Variants in AMDHD2 observed in about 807,000 individuals in gnomAD.
AMDHD2 encodes the protein amidohydrolase domain containing 2, also known as N-acetylglucosamine-6-phosphate deacetylase.
Under a neutral mutation model 41.8 loss-of-function variants are expected in AMDHD2, and 24 were observed. The ratio of observed to expected loss-of-function variants is 0.57; its 90% confidence interval spans 0.42 to 0.81. AMDHD2 has a LOEUF of 0.81. Ranked by LOEUF, AMDHD2 falls within the 30% of genes least tolerant of loss-of-function variation. AMDHD2 has a pLI of 0.00. For missense variants in AMDHD2, 540 were observed against 588.5 expected (o/e 0.92, Z 0.85); for synonymous variants, 332 against 255.5 (o/e 1.30, Z -2.85).
intron 3 of AMDHD2, among the ~76,000 whole-genome samples, chr16:2,522,817 C>T (rs991661714): frequency 2.0e-5 from 3 of 151,568 alleles, no homozygotes; most frequent in South Asian, 2.1e-4. Context: ...CCTGGCCCAT[C>T]ATGCCTGTTT....
Position 2,520,423 on chromosome 16 carries a change from G to A in AMDHD2, c.-36G>A. 8.2e-7 allele frequency: 1 copy of A among 1,224,338 alleles called. No individual in the cohort carries two copies. The highest frequency in any genetic ancestry group is 1.0e-6 in the Non-Finnish European group (1 of 979,148). The allele number at this position is 1,224,338 out of a possible 1,614,324, so 75.8% of individuals were successfully genotyped here. A position where few individuals can be genotyped will look rare whatever the true frequency, so the allele number is the denominator to read the frequency against. On this transcript the variant is annotated 5_prime_UTR_variant, in exon 1 of 11. Transcript: ENST00000293971. The stretch of plus-strand genomic sequence containing the variant: ...CTGGGCGCGGGATTTGGCCGCCGCG[G>A]GGCTCCGGAGCCGCTCGCTCCCGAC...
In AMDHD2 at chr16:2,526,286, G is replaced by A. The variant is rs569672044; in HGVS notation, c.361-1275G>A. Among the ~76,000 whole-genome samples the A allele has an allele frequency of 6.6e-5, 10 of 152,268 alleles. No individual in the cohort carries two copies. The South Asian group carries it at 1.9e-3, about 28-fold the overall frequency. On this transcript the variant is annotated intron_variant, in intron 3 of 10. Transcript: ENST00000293971. ...CTGGCTCCTTTCTCTTGGGCTGGCT[G>A]GGTTCCCTGAGAAGAGTCTAGCAGT...
intron 3 of AMDHD2, among the ~76,000 whole-genome samples, chr16:2,526,280 C>G (rs2066002857): frequency 2.0e-5 from 3 of 152,168 alleles, no homozygotes. Context: ...TTCTCTTGGG[C>G]TGGCTGGGTT....
Position 2,531,177 on chromosome 16 carries a change from C to T in AMDHD2, c.*1614C>T, listed in dbSNP as rs2066091267. 2 of 1,425,506 alleles carry T rather than the reference C, an allele frequency of 1.4e-6. No individual in the cohort carries two copies. Among genetic ancestry groups the T allele is most frequent in the Middle Eastern group, 2.6e-4 (1 of 3,830 alleles). The allele number at this position is 1,425,506 out of a possible 1,614,324, so 88.3% of individuals were successfully genotyped here. Reference sequence around the variant, plus strand: ...GGGCCAGCCTTTGGGCCTGGCCTGCCCCATTCACCGGCCAGCGCCCCACCT... The same window carrying T: ...GGGCCAGCCTTTGGGCCTGGCCTGCTCCATTCACCGGCCAGCGCCCCACCT... On this transcript the variant is annotated 3_prime_UTR_variant, in exon 11 of 11. Transcript: ENST00000293971.
At chr16:2,525,504 C>T (rs1432612608) in intron 3 of AMDHD2, among the ~76,000 whole-genome samples, 1 of 151,902 alleles carries the variant, frequency 6.6e-6, no homozygotes, top group African/African-American at 2.4e-5. Context: ...GTAGCTGGGA[C>T]TACAGGCGTG....
At chr16:2,521,789 T>G (rs1417694082) in intron 3 of AMDHD2, among the ~76,000 whole-genome samples, 2 of 143,300 alleles carry the variant, frequency 1.4e-5, no homozygotes, top group Non-Finnish European at 3.1e-5. Flanking sequence ...TAGTTTTTTT[T>G]TTTTTTTTTT....
rs137965070 is a variant in AMDHD2 at position 2,528,659 on chromosome 16, C to T, written c.980C>T (p.Thr327Met). Residue 327 changes from threonine to methionine, a missense_variant, in exon 9 of 11, where the codon ACG (threonine) becomes ATG (methionine). By Grantham distance (81) the Thr-to-Met change is moderately conservative (BLOSUM62 -1). Transcript: ENST00000293971. ...CCTCTCTGCTCTCAAGGCACCAAGA[C>T]GCTGAGTGGCAGCATAGCCCCAATG... is the stretch of plus-strand genomic sequence containing the variant. Reference protein sequence around the residue: ...GLTAYVAGTKTLSGSIAPMDV... With the variant: ...GLTAYVAGTKMLSGSIAPMDV... 18 of 1,612,914 alleles carry T rather than the reference C, an allele frequency of 1.1e-5. No homozygotes were observed. Among genetic ancestry groups the T allele is most frequent in the African/African-American group, 8.0e-5 (6 of 74,946 alleles).
intron 8 of AMDHD2, 33 bp from the exon 9 acceptor site, chr16:2,528,617 A>T: frequency 3.1e-6 from 5 of 1,612,484 alleles, no homozygotes; most frequent in Non-Finnish European, 4.2e-6. Flanking sequence ...GTGGCCCACG[A>T]CCCCCCCAGA....
In AMDHD2 at chr16:2,529,671, G is replaced by A; in HGVS notation, c.*108G>A. 2 of 1,549,896 alleles carry A rather than the reference G, an allele frequency of 1.3e-6. No homozygotes were observed. Among genetic ancestry groups the A allele is most frequent in the African/African-American group, 2.7e-5 (2 of 73,736 alleles). ...GAGTCGGGAGCCCTGCTGGATTGAT[G>A]CCCAGGGCCTGTGCGGCCGCCCTGG... On this transcript the variant is annotated 3_prime_UTR_variant, in exon 11 of 11. Coordinates refer to ENST00000293971, the MANE Select transcript of AMDHD2 (RefSeq NM_001330449.2).
In AMDHD2 at chr16:2,527,743, C is replaced by G. The variant is rs1454851292; in HGVS notation, c.416-30C>G. The stretch of plus-strand genomic sequence containing the variant: ...GATAAGGGCTGGGTGGGGCAGGGAC[C>G]TGCTGGAGCCACTTGCTCCCTCCTC... On this transcript the variant is annotated intron_variant, in intron 4 of 10. Coordinates refer to ENST00000293971, the MANE Select transcript of AMDHD2 (RefSeq NM_001330449.2). The surrounding 1 kb of genome is among the most constrained non-coding windows in gnomAD (Gnocchi z 6.1). 1.3e-6 allele frequency: 2 copies of G among 1,553,920 alleles called. No homozygotes were observed. The highest frequency in any genetic ancestry group is 2.3e-5 in the East Asian group (1 of 43,878).
At position 2,530,928 on chromosome 16, in the gene AMDHD2, G is replaced by A; in HGVS notation, c.*1365G>A. The A allele has an allele frequency of 6.2e-7, 1 of 1,613,392 alleles. No individual in the cohort carries two copies. Among genetic ancestry groups the A allele is most frequent in the East Asian group, 2.2e-5 (1 of 44,888 alleles). ...GCACCCCTTAGGAAGTGGCTGTCCAGCGCCTGCCTGTGCTGGGCCTGGGAG... is the reference window on the plus strand; with the variant it reads ...GCACCCCTTAGGAAGTGGCTGTCCAACGCCTGCCTGTGCTGGGCCTGGGAG... On this transcript the variant is annotated 3_prime_UTR_variant, in exon 11 of 11. Transcript: ENST00000293971.
chr16:2,528,583 C>T, intron 8 of AMDHD2, 24 bp downstream of exon 8: 1 of 1,612,674 alleles, frequency 6.2e-7, no homozygotes, highest in Non-Finnish European at 8.5e-7. Context: ...CCCACTGGGT[C>T]CCAGGTCCCA....
In AMDHD2 at chr16:2,529,497, C is replaced by T. The variant is rs1195432592; in HGVS notation, c.1164C>T (p.Ser388=). 2.9e-5 allele frequency: 47 copies of T among 1,611,418 alleles called. No homozygotes were observed. The highest frequency in any genetic ancestry group is 3.7e-5 in the Non-Finnish European group (44 of 1,179,992). The change falls in exon 11 of 11, where the codon TCC becomes TCT. Residue 388 remains serine, a synonymous_variant. Coordinates refer to ENST00000293971, the MANE Select transcript of AMDHD2 (RefSeq NM_001330449.2). ...CAGACTTCGTGGTGCTCGACGACTCCCTTCACGTCCAGGCCACCTACATCT... is the reference window on the plus strand; with the variant it reads ...CAGACTTCGTGGTGCTCGACGACTCTCTTCACGTCCAGGCCACCTACATCT... ...ADADFVVLDD[S]LHVQATYISG...
In AMDHD2 at chr16:2,530,449, C is replaced by G; in HGVS notation, c.*886C>G. 1 of 1,614,076 alleles carries G rather than the reference C, an allele frequency of 6.2e-7. No individual in the cohort carries two copies. Among genetic ancestry groups the G allele is most frequent in the Non-Finnish European group, 8.5e-7 (1 of 1,179,992 alleles). Reference sequence around the variant, plus strand: ...CTTCGAGGCGGGTGGGCTTCTGGAGCCCTCTTGGCTCTGAGGACAGCCACA... The same window carrying G: ...CTTCGAGGCGGGTGGGCTTCTGGAGGCCTCTTGGCTCTGAGGACAGCCACA... On this transcript the variant is annotated 3_prime_UTR_variant, in exon 11 of 11. Coordinates refer to ENST00000293971, the MANE Select transcript of AMDHD2 (RefSeq NM_001330449.2).
intron 3 of AMDHD2, among the ~76,000 whole-genome samples, chr16:2,521,781 G>A: frequency 9.0e-6 from 1 of 111,594 alleles, no homozygotes; most frequent in East Asian, 2.3e-4. Context: ...TTTTTGTTTA[G>A]TTTTTTTTTT....
Position 2,520,759 on chromosome 16 carries a change from G to A in AMDHD2, c.84-10G>A, listed in dbSNP as rs2065923603. 1 of 1,567,194 alleles carries A rather than the reference G, an allele frequency of 6.4e-7. No individual in the cohort carries two copies. The highest frequency in any genetic ancestry group is 1.4e-5 in the African/African-American group (1 of 73,868). ...CCCGCGATGCGAGCGCCCACCCACTGCGTCCCCAGGGAGGATCTGTGGGTG... is the reference window on the plus strand; with the variant it reads ...CCCGCGATGCGAGCGCCCACCCACTACGTCCCCAGGGAGGATCTGTGGGTG... On this transcript the variant is annotated splice_polypyrimidine_tract_variant and intron_variant, in intron 1 of 10. Coordinates refer to ENST00000293971, the MANE Select transcript of AMDHD2 (RefSeq NM_001330449.2).
Position 2,530,264 on chromosome 16 carries a change from G to A in AMDHD2, c.*701G>A, listed in dbSNP as rs745772262. 1 of 1,611,266 alleles carries A rather than the reference G, an allele frequency of 6.2e-7. No homozygotes were observed. The highest frequency in any genetic ancestry group is 1.1e-5 in the South Asian group (1 of 90,828). On this transcript the variant is annotated 3_prime_UTR_variant, in exon 11 of 11. Coordinates refer to ENST00000293971, the MANE Select transcript of AMDHD2 (RefSeq NM_001330449.2). ...CTCTTCACACATCCCCAGGCCCAGT[G>A]CTTGCCGGCTGTGGTGACCCTGCCT...
At position 2,527,762 on chromosome 16, in the gene AMDHD2, C is replaced by T. The variant is rs546097515; in HGVS notation, c.416-11C>T. 204 of 1,564,574 alleles carry T rather than the reference C, an allele frequency of 1.3e-4. 3 individuals carry two copies. The South Asian group carries it at 2.3e-3, about 17-fold the overall frequency. ...AGGGACCTGCTGGAGCCACTTGCTC[C>T]CTCCTCCCAGGGCTGCACCTGGAGG... On this transcript the variant is annotated splice_polypyrimidine_tract_variant and intron_variant, in intron 4 of 10. Coordinates refer to ENST00000293971, the MANE Select transcript of AMDHD2 (RefSeq NM_001330449.2). This position sits in a 1 kb window ranked among gnomAD's most constrained non-coding sequence, Gnocchi z 6.1.
Position 2,530,441 on chromosome 16 carries a change from T to C in AMDHD2, c.*878T>C, listed in dbSNP as rs371692933. On this transcript the variant is annotated 3_prime_UTR_variant, in exon 11 of 11. Transcript: ENST00000293971. ...CTGAACAGCTTCGAGGCGGGTGGGC[T>C]TCTGGAGCCCTCTTGGCTCTGAGGA... The C allele has an allele frequency of 5.0e-6, 8 of 1,613,896 alleles. No homozygotes were observed. The highest frequency in any genetic ancestry group is 3.3e-5 in the South Asian group (3 of 91,088).
Sources: gnomAD v4.1 joint callset for allele counts (sites outside exome capture counted in the v4.1 genomes callset) on GRCh38, gnomAD v4.1.1 for gene constraint, Gnocchi (gnomAD v3.1) non-coding constraint, MANE v1.5 for transcripts, NCBI Gene and HGNC (gene_info 2026-07-23, HGNC 2026-07-21) for gene names.